AGBL4: variants seen among roughly 807,000 people sequenced by gnomAD.
AGBL4 encodes the protein AGBL carboxypeptidase 4.
AGBL4 carries 58 observed loss-of-function variants against 66.4 expected under a neutral mutation model. The ratio of observed to expected loss-of-function variants is 0.87; its 90% CI spans 0.71 to 1.09. The LOEUF is 1.09. AGBL4 is among the 50% of genes least tolerant of loss of function. The pLI, the probability that AGBL4 is intolerant of heterozygous loss-of-function variation, is 0.00. For synonymous variants in AGBL4, 234 were observed against 222.9 expected (o/e 1.05, Z -0.44); for missense variants, 579 against 631.0 (o/e 0.92, Z 0.88).
chr1:49,375,749 C>T (rs1251257325), intron 3 of AGBL4, among the ~76,000 whole-genome samples: 1 of 152,032 alleles, frequency 6.6e-6, no homozygotes, highest in Non-Finnish European at 1.5e-5. Context: ...AAGGTAGCTT[C>T]AAGGCCAGTT....
chr1:48,641,406 G>A (rs939076376), intron 8 of AGBL4, among the ~76,000 whole-genome samples: 3 of 152,136 alleles, frequency 2.0e-5, no homozygotes, highest in African/African-American at 7.2e-5. Context: ...CCACCACCAA[G>A]ATATTTAAAG....
intron 1 of AGBL4, among the ~76,000 whole-genome samples, chr1:49,912,018 TAA>T (rs1650888584): frequency 1.3e-5 from 2 of 152,190 alleles, no homozygotes; most frequent in Admixed American, 1.3e-4. Flanking sequence ...CCTGAGGGGC[TAA>T]GTCTCAGCTT....
chr1:49,674,571 T>TACACACACACACACAC (rs139707283), intron 3 of AGBL4, among the ~76,000 whole-genome samples: 2 of 143,754 alleles, frequency 1.4e-5, no homozygotes, highest in African/African-American at 5.0e-5. Context: ...AAGAATAAAA[T>TACACACACACACACAC]ACACACACAC....
intron 11 of AGBL4, among the ~76,000 whole-genome samples, chr1:48,557,120 G>C (rs935691375): frequency 6.6e-6 from 1 of 152,072 alleles, no homozygotes; most frequent in African/African-American, 2.4e-5. Context: ...AGGTTACCAA[G>C]TTCTGTGATT....
intron 1 of AGBL4, among the ~76,000 whole-genome samples, chr1:49,969,647 T>C (rs954096676): frequency 6.6e-6 from 1 of 152,210 alleles, no homozygotes; most frequent in African/African-American, 2.4e-5. Flanking sequence ...CTTAGCATAA[T>C]GTCCTTCATT....
intron 6 of AGBL4, among the ~76,000 whole-genome samples, chr1:48,775,789 A>C (rs1237146652): frequency 1.3e-5 from 2 of 152,224 alleles, no homozygotes; most frequent in Non-Finnish European, 2.9e-5. Flanking sequence ...TGGAGATGAG[A>C]CTAGCTGCCT....
chr1:49,858,842 C>T (rs751569106), intron 1 of AGBL4, among the ~76,000 whole-genome samples: 2 of 152,134 alleles, frequency 1.3e-5, no homozygotes, highest in African/African-American at 4.8e-5. Context: ...ATGACAAAAC[C>T]CTGTCTCCAC....
chr1:48,605,618 T>G (rs1645143309), intron 9 of AGBL4, among the ~76,000 whole-genome samples: 1 of 152,226 alleles, frequency 6.6e-6, no homozygotes. Flanking sequence ...GACCAAGCAC[T>G]CCTCAGGACC....
At chr1:49,486,155 A>T (rs949859286) in intron 3 of AGBL4, among the ~76,000 whole-genome samples, 2 of 152,050 alleles carry the variant, frequency 1.3e-5, no homozygotes, top group South Asian at 4.2e-4. Context: ...CTGTCTATGC[A>T]CTCAGAAATC....
chr1:48,559,051 C>G (rs150755269), intron 11 of AGBL4, among the ~76,000 whole-genome samples: 1 of 152,052 alleles, frequency 6.6e-6, no homozygotes, highest in African/African-American at 2.4e-5. Context: ...GTTCTTATAC[C>G]GGGATAGGGT....
intron 1 of AGBL4, among the ~76,000 whole-genome samples, chr1:49,871,197 C>T (rs1254449583): frequency 2.6e-5 from 4 of 151,896 alleles, no homozygotes; most frequent in Non-Finnish European, 4.4e-5. Flanking sequence ...TTTCTTGGAA[C>T]ATTAACCCAT....
At chr1:49,387,241 T>A (rs897796567) in intron 3 of AGBL4, among the ~76,000 whole-genome samples, 1 of 151,896 alleles carries the variant, frequency 6.6e-6, no homozygotes, top group African/African-American at 2.4e-5. Flanking sequence ...AAATTACACA[T>A]AGATGACAAG....
In AGBL4 at chr1:49,244,349, A is replaced by G. The variant is rs531791320; in HGVS notation, c.377+1421T>C. 2.0e-5 allele frequency among the ~76,000 whole-genome samples: 3 copies of G among 151,892 alleles called. No individual in the cohort carries two copies. In the South Asian group the frequency reaches 6.2e-4, roughly 31 times the overall value. On this transcript the variant is annotated intron_variant, in intron 4 of 13. Coordinates refer to ENST00000371839, the MANE Select transcript of AGBL4 (RefSeq NM_032785.4). ...TATTATCTACTTGGGCTGGAACCAG[A>G]GACTCAAAGCAAAGGCCTACCCCTT... is the stretch of plus-strand genomic sequence containing the variant.
intron 4 of AGBL4, among the ~76,000 whole-genome samples, chr1:49,201,867 TC>T (rs1243686497): frequency 6.6e-6 from 1 of 152,098 alleles, no homozygotes; most frequent in Non-Finnish European, 1.5e-5. Flanking sequence ...GAATTTGTGC[TC>T]TATTCCCAGC....
chr1:48,547,634 A>G (rs1644185280), intron 11 of AGBL4, among the ~76,000 whole-genome samples: 2 of 152,228 alleles, frequency 1.3e-5, no homozygotes, highest in South Asian at 4.1e-4. Flanking sequence ...CTGAATTTTC[A>G]GCTCTTTGGG....
intron 2 of AGBL4, among the ~76,000 whole-genome samples, chr1:49,760,955 G>T (rs939753283): frequency 6.6e-6 from 1 of 151,986 alleles, no homozygotes; most frequent in Non-Finnish European, 1.5e-5. Context: ...TCCCTCATAA[G>T]TGGGACTTGA....
chr1:48,914,585 C>T (rs575107768), intron 5 of AGBL4, among the ~76,000 whole-genome samples: 1 of 152,256 alleles, frequency 6.6e-6, no homozygotes, highest in African/African-American at 2.4e-5. Flanking sequence ...GGCAGTTCTC[C>T]TTCATAACAC....
intron 3 of AGBL4, among the ~76,000 whole-genome samples, chr1:49,340,899 A>G (rs1358827520): frequency 6.6e-6 from 1 of 152,228 alleles, no homozygotes; most frequent in African/African-American, 2.4e-5. Context: ...TAGTTTAACA[A>G]TAAGTTTTGC....
intron 4 of AGBL4, among the ~76,000 whole-genome samples, chr1:49,101,853 G>C (rs1448707454): frequency 1.3e-5 from 2 of 152,120 alleles, no homozygotes; most frequent in African/African-American, 4.8e-5. Context: ...ACAAAAATTA[G>C]GAAGTACTAT....
Sources: allele counts gnomAD v4.1 joint callset (sites outside exome capture counted in the v4.1 genomes callset), GRCh38; gene constraint gnomAD v4.1.1; transcripts MANE v1.5; gene names NCBI Gene and HGNC (gene_info 2026-07-23, HGNC 2026-07-21).